RBFOX1: variants seen among roughly 807,000 people sequenced by gnomAD.
The protein encoded by RBFOX1 is RNA binding protein fox-1 homolog 1.
RBFOX1 carries 8 observed loss-of-function variants against 57.7 expected under a neutral mutation model. That is an observed-to-expected ratio of 0.14 (90% confidence interval 0.08 to 0.25). RBFOX1 has a LOEUF of 0.25. Among genes scored for constraint, RBFOX1 ranks in the 10% least tolerant of loss-of-function variants. The pLI, the probability that RBFOX1 is intolerant of heterozygous loss-of-function variation, is 1.00. For synonymous variants in RBFOX1, 326 were observed against 222.4 expected, an observed-to-expected ratio of 1.47 and a Z score of -4.15; for missense variants, 611 against 548.5, an observed-to-expected ratio of 1.11 and a Z score of -1.14.
In RBFOX1 at chr16:6,534,423, C is replaced by A. The variant is rs530731875; in HGVS notation, c.-63-120180C>A. 9.2e-5 allele frequency among the ~76,000 whole-genome samples: 14 copies of A among 152,186 alleles called. No individual in the cohort carries two copies. In the East Asian group the frequency reaches 2.5e-3, roughly 27 times the overall value. On this transcript the variant is annotated intron_variant, in intron 2 of 15. Coordinates refer to ENST00000550418, the MANE Select transcript of RBFOX1 (RefSeq NM_018723.4). ...TTCAGGATAGTGATTGTCTTTCACC[C>A]GCTAAGATGCCTCTTCAGTTTCTAC...
At chr16:7,370,840 A>G (rs1375869944) in intron 4 of RBFOX1, among the ~76,000 whole-genome samples, 1 of 152,216 alleles carries the variant, frequency 6.6e-6, no homozygotes, top group Non-Finnish European at 1.5e-5. Context: ...TTTGGTAGGC[A>G]TGATTAATTG....
At chr16:6,144,345 T>C (rs2096741727) in intron 1 of RBFOX1, among the ~76,000 whole-genome samples, 1 of 152,150 alleles carries the variant, frequency 6.6e-6, no homozygotes, top group African/African-American at 2.4e-5. Context: ...TGCTTACCTC[T>C]TGGAGATCTC....
intron 2 of RBFOX1, among the ~76,000 whole-genome samples, chr16:5,596,036 A>G (rs1250121566): frequency 6.6e-6 from 1 of 152,176 alleles, no homozygotes; most frequent in Non-Finnish European, 1.5e-5. Flanking sequence ...GTGCGGCACA[A>G]TGAGAGATAG....
At chr16:7,404,028 C>CTTTCCTTTTA (rs1568664055) in intron 4 of RBFOX1, among the ~76,000 whole-genome samples, 1 of 129,964 alleles carries the variant, frequency 7.7e-6, no homozygotes, top group Admixed American at 8.0e-5. Context: ...ATTTCATTTC[C>CTTTCCTTTTA]TTTTATTTTA....
At chr16:7,474,436 T>C (rs2062201091) in intron 4 of RBFOX1, among the ~76,000 whole-genome samples, 1 of 152,064 alleles carries the variant, frequency 6.6e-6, no homozygotes, top group South Asian at 2.1e-4. Flanking sequence ...TTCTAATGTT[T>C]TACAATTAAG....
At chr16:5,626,626 C>A (rs927628891) in intron 3 of RBFOX1, among the ~76,000 whole-genome samples, 2 of 152,144 alleles carry the variant, frequency 1.3e-5, no homozygotes, top group African/African-American at 4.8e-5. Context: ...TCTTCTCCCG[C>A]CATGGGAATA....
intron 3 of RBFOX1, among the ~76,000 whole-genome samples, chr16:5,610,988 A>T (rs935106190): frequency 1.7e-4 from 26 of 152,356 alleles, no homozygotes; most frequent in African/African-American, 6.0e-4. Flanking sequence ...TCCTTGACAC[A>T]GCTTACAGAG....
intron 2 of RBFOX1, among the ~76,000 whole-genome samples, chr16:6,392,868 C>G (rs1171632762): frequency 6.6e-6 from 1 of 152,278 alleles, no homozygotes; most frequent in African/African-American, 2.4e-5. Context: ...ACGTCATGGG[C>G]CATATTTTTA....
intron 2 of RBFOX1, among the ~76,000 whole-genome samples, chr16:5,561,939 C>T (rs976675211): frequency 2.6e-5 from 4 of 152,308 alleles, no homozygotes; most frequent in African/African-American, 9.6e-5. Flanking sequence ...CTTTCGAGGG[C>T]CTCTTTTCCC....
At chr16:6,711,186 A>T (rs2063648282) in intron 3 of RBFOX1, among the ~76,000 whole-genome samples, 1 of 152,128 alleles carries the variant, frequency 6.6e-6, no homozygotes, top group African/African-American at 2.4e-5. Flanking sequence ...CACCATGGGG[A>T]CCATCATCCT....
At chr16:7,654,427 T>A (rs879675199) in intron 12 of RBFOX1, among the ~76,000 whole-genome samples, 5 of 152,074 alleles carry the variant, frequency 3.3e-5, no homozygotes, top group Non-Finnish European at 7.4e-5. Context: ...AAGAGAAAAT[T>A]AGGTGTTGAG....
chr16:6,312,279 C>T (rs4786854), intron 1 of RBFOX1, among the ~76,000 whole-genome samples: 45,759 of 151,824 alleles, frequency 0.3, 7,620 homozygotes, highest in Middle Eastern at 0.39. Context: ...ATTTCTGAAC[C>T]GCTGTGTAAT....
chr16:5,484,577 A>C (rs2069659241), intron 2 of RBFOX1, among the ~76,000 whole-genome samples: 1 of 152,186 alleles, frequency 6.6e-6, no homozygotes, highest in Non-Finnish European at 1.5e-5. Flanking sequence ...CAGGGCTTCA[A>C]GGCCAGCCTA....
Position 6,061,982 on chromosome 16 carries a change from C to G in RBFOX1, c.-127+41990C>G, listed in dbSNP as rs933839493. On this transcript the variant is annotated intron_variant, in intron 1 of 15. Coordinates refer to ENST00000550418, the MANE Select transcript of RBFOX1 (RefSeq NM_018723.4). Reference sequence around the variant, plus strand: ...TGCTTCTGAAGGACTGGTTAGGATTCCCATGTCCCTTCCCTGGGTTTAAGT... The same window carrying G: ...TGCTTCTGAAGGACTGGTTAGGATTGCCATGTCCCTTCCCTGGGTTTAAGT... Among the ~76,000 whole-genome samples, 4 of 152,264 alleles carry G rather than the reference C, an allele frequency of 2.6e-5. No individual in the cohort carries two copies. The East Asian group carries it at 7.7e-4, about 29-fold the overall frequency.
At chr16:5,269,424 A>G (rs928369368) in intron 1 of RBFOX1, among the ~76,000 whole-genome samples, 1 of 152,278 alleles carries the variant, frequency 6.6e-6, no homozygotes, top group Non-Finnish European at 1.5e-5. Context: ...TACATGAATA[A>G]TTACATTAGC....
intron 3 of RBFOX1, among the ~76,000 whole-genome samples, chr16:6,698,208 C>T (rs1307962150): frequency 6.6e-6 from 1 of 152,068 alleles, no homozygotes; most frequent in South Asian, 2.1e-4. Flanking sequence ...TCCAATTTGA[C>T]AATTAGATCA....
intron 1 of RBFOX1, among the ~76,000 whole-genome samples, chr16:5,349,731 G>A (rs569273449): frequency 1.1e-4 from 17 of 152,218 alleles, no homozygotes; most frequent in African/African-American, 3.4e-4. Flanking sequence ...TTAAAACCTC[G>A]TTGCCCCTGA....
chr16:5,657,308 A>G (rs948780499), intron 3 of RBFOX1, among the ~76,000 whole-genome samples: 16 of 152,220 alleles, frequency 1.1e-4, no homozygotes, highest in African/African-American at 3.9e-4. Flanking sequence ...TGTATAAACA[A>G]TTTATTGTAT....
At chr16:5,555,101 T>G (rs1431175924) in intron 2 of RBFOX1, among the ~76,000 whole-genome samples, 1 of 152,152 alleles carries the variant, frequency 6.6e-6, no homozygotes, top group African/African-American at 2.4e-5. Flanking sequence ...CATGTGGGGC[T>G]CTCTAAAGCC....
Sources: allele counts gnomAD v4.1 joint callset (sites outside exome capture counted in the v4.1 genomes callset), GRCh38; gene constraint gnomAD v4.1.1; transcripts MANE v1.5; gene names NCBI Gene and HGNC (gene_info 2026-07-23, HGNC 2026-07-21).